PCDHGA11: variants seen among roughly 807,000 people sequenced by gnomAD.
PCDHGA11 encodes the protein protocadherin gamma subfamily A, 11, also known as protocadherin gamma-A11.
PCDHGA11 carries 39 observed loss-of-function variants against 60.4 expected under a neutral mutation model. That is an observed-to-expected ratio of 0.65 (90% CI 0.50 to 0.84). The LOEUF is 0.84. Among genes scored for constraint, PCDHGA11 ranks in the 40% least tolerant of loss-of-function variants. The probability of loss-of-function intolerance (pLI) is 0.00; values close to 1 mark genes in which losing one functional copy is unlikely to be tolerated. For missense variants in PCDHGA11, 1,165 were observed against 1,197.7 expected (o/e 0.97, Z 0.40); for synonymous variants, 533 against 510.3 (o/e 1.04, Z -0.60).
At position 141,489,786 on chromosome 5, in the gene PCDHGA11, G is replaced by A. The variant is rs758119518; in HGVS notation, c.2434-5021G>A. 8.7e-6 allele frequency: 14 copies of A among 1,614,194 alleles called. No individual in the cohort carries two copies. Among genetic ancestry groups the A allele is most frequent in the Non-Finnish European group, 1.2e-5 (14 of 1,180,014 alleles). ...CCAACAGCCACTTCTCTCTGAATGTGAAGACCCTAAAAGATGGGAAGCCAT... is the reference window on the plus strand; with the variant it reads ...CCAACAGCCACTTCTCTCTGAATGTAAAGACCCTAAAAGATGGGAAGCCAT... On this transcript the variant is annotated intron_variant, in intron 1 of 3. Transcript: ENST00000398587. This position sits in a 1 kb window ranked among gnomAD's most constrained non-coding sequence, Gnocchi z 4.5.
At chr5:141,468,330 CAAA>C (rs533390277) in intron 1 of PCDHGA11, 32,113 of 79,068 alleles carry the variant, frequency 0.41, 3,870 homozygotes, top group African/African-American at 0.52. Flanking sequence ...AACTCCATCT[CAAA>C]AAAAAAAAAA....
chr5:141,494,773 G>C, intron 1 of PCDHGA11, 34 bp from the exon 2 acceptor site: 1 of 1,613,966 alleles, frequency 6.2e-7, no homozygotes, highest in Non-Finnish European at 8.5e-7. Context: ...CTTCTCACGG[G>C]TACTCAGCCC....
At chr5:141,509,507 T>G (rs2099877110) in intron 3 of PCDHGA11, among the ~76,000 whole-genome samples, 1 of 151,792 alleles carries the variant, frequency 6.6e-6, no homozygotes, top group African/African-American at 2.4e-5. Flanking sequence ...GATGTGACGG[T>G]GTTGATGATG....
intron 2 of PCDHGA11, among the ~76,000 whole-genome samples, chr5:141,497,602 C>T (rs948023459): frequency 2.0e-5 from 3 of 148,260 alleles, no homozygotes; most frequent in East Asian, 2.0e-4. Flanking sequence ...TGCAGTGGTG[C>T]GATCTTGGCT....
At chr5:141,426,779 T>G in intron 1 of PCDHGA11, 6 of 456,698 alleles carry the variant, frequency 1.3e-5, no homozygotes, top group Non-Finnish European at 1.8e-5. Context: ...GGCCTCACTC[T>G]CTCCAGAGTT....
At position 141,486,706 on chromosome 5, in the gene PCDHGA11, C is replaced by G; in HGVS notation, c.2434-8101C>G. 6.2e-7 allele frequency: 1 copy of G among 1,614,154 alleles called. No homozygotes were observed. Among genetic ancestry groups the G allele is most frequent in the Non-Finnish European group, 8.5e-7 (1 of 1,180,024 alleles). ...CAGCTTCCTCTTTCATCTCTCTGAA[C>G]CCCCAGACAGGAGCTGTTCATGCTA... On this transcript the variant is annotated intron_variant, in intron 1 of 3. Coordinates refer to ENST00000398587, the MANE Select transcript of PCDHGA11 (RefSeq NM_018914.3). This position sits in a 1 kb window ranked among gnomAD's most constrained non-coding sequence, Gnocchi z 5.0.
intron 3 of PCDHGA11, chr5:141,506,955 C>T (rs1387377785): frequency 2.6e-5 from 4 of 152,362 alleles, no homozygotes; most frequent in South Asian, 2.1e-4. Context: ...AATGAATCCT[C>T]TCAATAGCTC....
At position 141,485,848 on chromosome 5, in the gene PCDHGA11, C is replaced by G. The variant is rs1416763615; in HGVS notation, c.2434-8959C>G. 1.9e-6 allele frequency: 3 copies of G among 1,614,076 alleles called. No individual in the cohort carries two copies. The highest frequency in any genetic ancestry group is 1.1e-5 in the South Asian group (1 of 91,084). On this transcript the variant is annotated intron_variant, in intron 1 of 3. Coordinates refer to ENST00000398587, the MANE Select transcript of PCDHGA11 (RefSeq NM_018914.3). This position sits in a 1 kb window ranked among gnomAD's most constrained non-coding sequence, Gnocchi z 5.7. The stretch of plus-strand genomic sequence containing the variant: ...GAGGGAACCCGCCGAGATCTGGCAC[C>G]GCAGAGCTCCGGGTATCCGTGCTGG...
At position 141,485,677 on chromosome 5, in the gene PCDHGA11, C is replaced by T. The variant is rs757797282; in HGVS notation, c.2434-9130C>T. ...CAGATGTGGGGAGCAATTCGATTAG[C>T]AGCTATAGGCTGAGCTCCAATGAAC... On this transcript the variant is annotated intron_variant, in intron 1 of 3. Transcript: ENST00000398587. This position sits in a 1 kb window ranked among gnomAD's most constrained non-coding sequence, Gnocchi z 5.7. 2.4e-5 allele frequency: 38 copies of T among 1,612,714 alleles called. No individual in the cohort carries two copies. In the East Asian group the frequency reaches 7.8e-4, roughly 33 times the overall value.
intron 1 of PCDHGA11, among the ~76,000 whole-genome samples, chr5:141,452,579 A>G (rs1320327475): frequency 6.6e-6 from 1 of 151,944 alleles, no homozygotes; most frequent in Non-Finnish European, 1.5e-5. Context: ...CCCCCTTTCC[A>G]TCTTTGTATT....
Position 141,491,508 on chromosome 5 carries a change from G to A in PCDHGA11, c.2434-3299G>A. The A allele has an allele frequency of 6.2e-7, 1 of 1,614,030 alleles. No individual in the cohort carries two copies. The highest frequency in any genetic ancestry group is 8.5e-7 in the Non-Finnish European group (1 of 1,180,014). The stretch of plus-strand genomic sequence containing the variant: ...ACCTGCAGGTGAGCTCGGACGGCAC[G>A]CTCAAGTACATGGAGGTGACGCTGC... On this transcript the variant is annotated intron_variant, in intron 1 of 3. Transcript: ENST00000398587. This position sits in a 1 kb window ranked among gnomAD's most constrained non-coding sequence, Gnocchi z 6.9.
chr5:141,492,037 C>A (rs556842734), intron 1 of PCDHGA11: 94 of 538,798 alleles, frequency 1.7e-4, no homozygotes, highest in Non-Finnish European at 2.5e-4. Flanking sequence ...AGGAGGCAGT[C>A]ACAGATCCAC....
intron 1 of PCDHGA11, among the ~76,000 whole-genome samples, chr5:141,445,447 A>G (rs974383838): frequency 3.4e-4 from 51 of 152,222 alleles, no homozygotes; most frequent in Admixed American, 1.3e-3. Flanking sequence ...TGGACTAAGG[A>G]TGCAGCAATG....
intron 1 of PCDHGA11, among the ~76,000 whole-genome samples, chr5:141,484,321 G>A (rs2099594762): frequency 6.6e-6 from 1 of 152,124 alleles, no homozygotes; most frequent in Non-Finnish European, 1.5e-5. Flanking sequence ...CTTCCATACT[G>A]TCCTTGAAAT....
Position 141,486,638 on chromosome 5 carries a change from C to T in PCDHGA11, c.2434-8169C>T, listed in dbSNP as rs753730551. 5.6e-6 allele frequency: 9 copies of T among 1,613,700 alleles called. No homozygotes were observed. In the East Asian group the frequency reaches 8.9e-5, roughly 16 times the overall value. On this transcript the variant is annotated intron_variant, in intron 1 of 3. Coordinates refer to ENST00000398587, the MANE Select transcript of PCDHGA11 (RefSeq NM_018914.3). This position sits in a 1 kb window ranked among gnomAD's most constrained non-coding sequence, Gnocchi z 5.0. The stretch of plus-strand genomic sequence containing the variant: ...TGACCCAGACTCTGGCTTGAATGCG[C>T]TTATCTCCTACTCACTCCTGGAGCC...
intron 1 of PCDHGA11, among the ~76,000 whole-genome samples, chr5:141,438,119 A>G (rs2097930168): frequency 6.6e-6 from 1 of 152,220 alleles, no homozygotes; most frequent in Non-Finnish European, 1.5e-5. Flanking sequence ...ATGCATTCCT[A>G]AAATATTAAT....
At chr5:141,430,076 T>C (rs2097260023) in intron 1 of PCDHGA11, among the ~76,000 whole-genome samples, 1 of 152,208 alleles carries the variant, frequency 6.6e-6, no homozygotes, top group South Asian at 2.1e-4. Context: ...GTTTCCATAA[T>C]ATCATGAAAA....
chr5:141,500,571 C>T (rs1171231755), intron 2 of PCDHGA11, among the ~76,000 whole-genome samples: 1 of 152,196 alleles, frequency 6.6e-6, no homozygotes, highest in African/African-American at 2.4e-5. Context: ...GTCACACTTT[C>T]ATGTGACACT....
Position 141,491,636 on chromosome 5 carries a change from C to T in PCDHGA11, c.2434-3171C>T. ...AGACCCCTCAGCGTTCAGCAGCCCA[C>T]AGCTCTGGCGCTGGAGCCTGACGCC... On this transcript the variant is annotated intron_variant, in intron 1 of 3. Coordinates refer to ENST00000398587, the MANE Select transcript of PCDHGA11 (RefSeq NM_018914.3). This position sits in a 1 kb window ranked among gnomAD's most constrained non-coding sequence, Gnocchi z 6.9. 6.2e-7 allele frequency: 1 copy of T among 1,613,922 alleles called. No homozygotes were observed. Among genetic ancestry groups the T allele is most frequent in the Non-Finnish European group, 8.5e-7 (1 of 1,180,020 alleles).
Sources: allele counts gnomAD v4.1 joint callset (sites outside exome capture counted in the v4.1 genomes callset), GRCh38; gene constraint gnomAD v4.1.1; non-coding constraint Gnocchi (gnomAD v3.1); transcripts MANE v1.5; gene names NCBI Gene and HGNC (gene_info 2026-07-23, HGNC 2026-07-21).